STX6: variants seen among roughly 807,000 people sequenced by gnomAD.
STX6 encodes the protein syntaxin 6.
Under a neutral mutation model 38.0 loss-of-function variants are expected in STX6, and 23 were observed. The ratio of observed to expected loss-of-function variants is 0.60; its 90% CI spans 0.43 to 0.86. The LOEUF (loss-of-function observed/expected upper bound fraction) is 0.86. Among genes scored for constraint, STX6 ranks in the 40% least tolerant of loss-of-function variants. The pLI, the probability that STX6 is intolerant of heterozygous loss-of-function variation, is 0.00. For missense variants in STX6, 274 were observed against 312.9 expected (o/e 0.88, Z 0.94); for synonymous variants, 123 against 107.5 (o/e 1.14, Z -0.89).
intron 2 of STX6, 31 bp downstream of exon 2, chr1:181,005,263 C>G (rs749534110): frequency 6.9e-6 from 11 of 1,585,168 alleles, no homozygotes; most frequent in Non-Finnish European, 9.4e-6. Context: ...CTATTTATCC[C>G]GAATGGCACA....
intron 3 of STX6, among the ~76,000 whole-genome samples, chr1:181,001,838 AC>A (rs1454811108): frequency 6.6e-6 from 1 of 152,230 alleles, no homozygotes; most frequent in Non-Finnish European, 1.5e-5. Flanking sequence ...ATTTGAATGT[AC>A]CCTGCCCAAA....
At chr1:181,011,485 G>C (rs140293866) in intron 1 of STX6, among the ~76,000 whole-genome samples, 1,835 of 152,312 alleles carry the variant, frequency 0.012, 19 homozygotes, top group Middle Eastern at 0.02. Flanking sequence ...ATTTTCTAAA[G>C]CATGTGGGAT....
chr1:180,993,917 G>T (rs1655826441), intron 3 of STX6, among the ~76,000 whole-genome samples: 1 of 152,182 alleles, frequency 6.6e-6, no homozygotes. Context: ...TGTGCTTTTA[G>T]TATAAAGTAT....
intron 3 of STX6, among the ~76,000 whole-genome samples, chr1:180,994,714 G>A (rs1018944776): frequency 3.3e-5 from 5 of 152,172 alleles, no homozygotes; most frequent in African/African-American, 1.2e-4. Context: ...TGATTAATGG[G>A]TAAAAAATAC....
intron 1 of STX6, among the ~76,000 whole-genome samples, chr1:181,021,649 C>A (rs1422478791): frequency 6.6e-6 from 1 of 152,174 alleles, no homozygotes; most frequent in Non-Finnish European, 1.5e-5. Context: ...AGAAAACTGA[C>A]AAGTTTCTAA....
intron 3 of STX6, among the ~76,000 whole-genome samples, chr1:180,998,870 A>G (rs1489506621): frequency 2.6e-5 from 4 of 152,254 alleles, no homozygotes; most frequent in African/African-American, 9.6e-5. Context: ...TAGAACCAGC[A>G]GTCAAGCAAC....
At chr1:181,000,768 C>T (rs989226546) in intron 3 of STX6, among the ~76,000 whole-genome samples, 3 of 151,328 alleles carry the variant, frequency 2.0e-5, no homozygotes. Flanking sequence ...CTAAGTCTAC[C>T]TTGCAGAAAT....
chr1:181,000,285 T>C (rs975028471), intron 3 of STX6, among the ~76,000 whole-genome samples: 4 of 152,260 alleles, frequency 2.6e-5, no homozygotes, highest in African/African-American at 9.6e-5. Context: ...CACATTGCTA[T>C]AAAGAACTGC....
Position 181,005,313 on chromosome 1 carries a change from C to T in STX6, c.186G>A (p.Glu62=), listed in dbSNP as rs1479098689. The T allele has an allele frequency of 1.9e-6, 3 of 1,614,022 alleles. No homozygotes were observed. Among genetic ancestry groups the T allele is most frequent in the South Asian group, 2.2e-5 (2 of 91,064 alleles). ...NNLRSIEWDL[E]DLDETISIVE... ...GGATATTGATGGTTTCATCAAGGTC[C>T]TCTAGATCCCACTCTATGCTCCGGA... The change falls in exon 2 of 8, where the codon GAG becomes GAA. Residue 62 remains glutamate, a synonymous_variant. Coordinates refer to ENST00000258301, the MANE Select transcript of STX6 (RefSeq NM_005819.6).
At chr1:180,988,150 G>A in intron 6 of STX6, 89 bp downstream of exon 6, 2 of 849,656 alleles carry the variant, frequency 2.4e-6, no homozygotes, top group Admixed American at 4.2e-5. Context: ...GATTTTACCA[G>A]CCACGTAGCT....
rs186894648 is a variant in STX6 at position 181,009,423 on chromosome 1, C to A, written c.36-3960G>T. Among the ~76,000 whole-genome samples, 49 of 145,790 alleles carry A rather than the reference C, an allele frequency of 3.4e-4. No individual in the cohort carries two copies. In the East Asian group the frequency reaches 9.8e-3, roughly 29 times the overall value. On this transcript the variant is annotated intron_variant, in intron 1 of 7. Transcript: ENST00000258301. ...GGCAGAGGTTGCAGTGAACCGAGAT[C>A]GTGCCATTGCACTCCAATCTGGGTG...
intron 7 of STX6, among the ~76,000 whole-genome samples, chr1:180,983,830 C>T (rs368891165): frequency 1.3e-5 from 2 of 150,556 alleles, no homozygotes; most frequent in Non-Finnish European, 1.5e-5. Context: ...TTTGGGAGGC[C>T]GAGGCGGGCA....
chr1:181,014,738 T>C (rs1656506593), intron 1 of STX6, among the ~76,000 whole-genome samples: 1 of 152,236 alleles, frequency 6.6e-6, no homozygotes, highest in Admixed American at 6.5e-5. Flanking sequence ...ACTCTTTTTA[T>C]TGCTTGACTT....
intron 7 of STX6, among the ~76,000 whole-genome samples, chr1:180,978,472 T>C (rs4652545): frequency 7.2e-5 from 11 of 151,934 alleles, no homozygotes; most frequent in Non-Finnish European, 1.3e-4. Flanking sequence ...ACACTCCAGG[T>C]GGACCCAGGC....
intron 7 of STX6, among the ~76,000 whole-genome samples, chr1:180,979,234 T>C (rs1442744057): frequency 6.6e-6 from 1 of 151,068 alleles, no homozygotes; most frequent in Admixed American, 6.6e-5. Flanking sequence ...AACAGAAACC[T>C]GAAAAAAGAA....
At chr1:180,979,256 A>G (rs1271053650) in intron 7 of STX6, among the ~76,000 whole-genome samples, 1 of 152,222 alleles carries the variant, frequency 6.6e-6, no homozygotes, top group African/African-American at 2.4e-5. Flanking sequence ...AAAAGACTGA[A>G]AAAAAACCTG....
intron 7 of STX6, 55 bp from the exon 8 acceptor site, chr1:180,976,701 TAC>T (rs1655267030): frequency 6.5e-7 from 1 of 1,528,044 alleles, no homozygotes; most frequent in Non-Finnish European, 9.0e-7. Flanking sequence ...TTCCCCAAGA[TAC>T]AGTTATATGG....
At chr1:181,009,975 G>C (rs1404061808) in intron 1 of STX6, among the ~76,000 whole-genome samples, 2 of 152,206 alleles carry the variant, frequency 1.3e-5, no homozygotes. Flanking sequence ...GCTAGATTCA[G>C]AAGGCCACGT....
intron 1 of STX6, among the ~76,000 whole-genome samples, chr1:181,021,466 C>T (rs1435659409): frequency 6.6e-6 from 1 of 152,074 alleles, no homozygotes; most frequent in Non-Finnish European, 1.5e-5. Flanking sequence ...AGTATTTCAC[C>T]TAAAATACCA....
Sources: allele counts gnomAD v4.1 joint callset (sites outside exome capture counted in the v4.1 genomes callset), GRCh38; gene constraint gnomAD v4.1.1; transcripts MANE v1.5; gene names NCBI Gene and HGNC (gene_info 2026-07-23, HGNC 2026-07-21).